The following ACACA variants were observed in gnomAD, a reference collection of about 807,000 sequenced individuals.
ACACA encodes the protein acetyl-CoA carboxylase 1.
A neutral mutation model predicts 296.1 loss-of-function variants in ACACA; 103 were observed. The ratio of observed to expected loss-of-function variants is 0.35; its 90% CI spans 0.30 to 0.41. ACACA has a LOEUF of 0.41. Among genes scored for constraint, ACACA ranks in the 10% least tolerant of loss-of-function variants. The pLI is 1.00. For synonymous variants in ACACA, 953 were observed against 1,038.6 expected, an observed-to-expected ratio of 0.92 and a Z score of 1.58; for missense variants, 1,554 against 2,989.7, an observed-to-expected ratio of 0.52 and a Z score of 11.20.
intron 1 of ACACA, among the ~76,000 whole-genome samples, chr17:37,349,169 T>A (rs1326798145): frequency 6.6e-6 from 1 of 150,434 alleles, no homozygotes; most frequent in Non-Finnish European, 1.5e-5. Flanking sequence ...CAAGCAATTA[T>A]CGTGCCTCAG....
chr17:37,379,048 G>T, intron 1 of ACACA: 2 of 1,430,520 alleles, frequency 1.4e-6, no homozygotes, highest in Non-Finnish European at 1.9e-6. Context: ...CTCCAGCTTG[G>T]GTGACAGAGC....
chr17:37,086,047 C>T lies in ACACA; in HGVS notation c.*1269G>A. On this transcript the variant is annotated 3_prime_UTR_variant, in exon 56 of 56. Coordinates refer to ENST00000616317, the MANE Select transcript of ACACA (RefSeq NM_198834.3). ...CCACCACCTGAGGAAGCCCCTGATG[C>T]CAGTCAGGAGGGGCCAGTAAGCCTG... is the stretch of plus-strand genomic sequence containing the variant. 2 of 376,306 alleles carry T rather than the reference C, an allele frequency of 5.3e-6. No homozygotes were observed. Among genetic ancestry groups the T allele is most frequent in the Non-Finnish European group, 9.4e-6 (2 of 212,566 alleles). The allele number at this position is 376,306 out of a possible 1,614,324, so 23.3% of individuals were successfully genotyped here. A position where few individuals can be genotyped will look rare whatever the true frequency, so the allele number is the denominator to read the frequency against.
Position 37,087,061 on chromosome 17 carries a change from G to C in ACACA, c.*255C>G, listed in dbSNP as rs1449022156. 1 of 588,126 alleles carries C rather than the reference G, an allele frequency of 1.7e-6. No homozygotes were observed. The highest frequency in any genetic ancestry group is 3.0e-6 in the Non-Finnish European group (1 of 328,442). The allele number at this position is 588,126 out of a possible 1,614,324, so 36.4% of individuals were successfully genotyped here. A position where few individuals can be genotyped will look rare whatever the true frequency, so the allele number is the denominator to read the frequency against. On this transcript the variant is annotated 3_prime_UTR_variant, in exon 56 of 56. Coordinates refer to ENST00000616317, the MANE Select transcript of ACACA (RefSeq NM_198834.3). The stretch of plus-strand genomic sequence containing the variant: ...TACCTTTCATTGCCTTCTCAGTCCT[G>C]TGCAGGGAGTGGAGGACTAGGCCTG...
At chr17:37,308,307 G>A (rs1025725343) in intron 3 of ACACA, among the ~76,000 whole-genome samples, 7 of 152,048 alleles carry the variant, frequency 4.6e-5, no homozygotes, top group East Asian at 1.9e-4. Context: ...ATAATAAGAC[G>A]AATTTATGAG....
intron 48 of ACACA, chr17:37,122,865 A>C: frequency 6.7e-6 from 4 of 596,624 alleles, no homozygotes; most frequent in Non-Finnish European, 1.2e-5. Context: ...CCAACACAAG[A>C]TAAATTCAAA....
intron 1 of ACACA, chr17:37,379,516 T>TC (rs2147729124): frequency 7.9e-7 from 1 of 1,260,318 alleles, no homozygotes; most frequent in East Asian, 2.5e-5. Flanking sequence ...TTGTTTTTTT[T>TC]CTTGTAAATT....
intron 2 of ACACA, among the ~76,000 whole-genome samples, chr17:37,333,345 AAAGG>A (rs1047784382): frequency 2.2e-4 from 26 of 117,950 alleles, no homozygotes; most frequent in Non-Finnish European, 4.9e-4. Flanking sequence ...GTGTCATCAG[AAAGG>A]AAAGGAAAGG....
At chr17:37,157,576 C>A (rs1446718736) in intron 42 of ACACA, among the ~76,000 whole-genome samples, 1 of 132,494 alleles carries the variant, frequency 7.5e-6, no homozygotes, top group African/African-American at 3.0e-5. Flanking sequence ...CCTTCTGTCA[C>A]CCAGGCAGGA....
intron 1 of ACACA, among the ~76,000 whole-genome samples, chr17:37,398,281 CTT>C (rs777127866): frequency 1.8e-4 from 14 of 79,196 alleles, no homozygotes; most frequent in South Asian, 5.4e-4. Flanking sequence ...TGTGGTATCA[CTT>C]TTTTTTTTTT....
chr17:37,297,049 G>C (rs1335962262), intron 3 of ACACA, among the ~76,000 whole-genome samples: 1 of 151,838 alleles, frequency 6.6e-6, no homozygotes, highest in Non-Finnish European at 1.5e-5. Flanking sequence ...GACACATTCA[G>C]ACACTATATA....
chr17:37,283,526 A>G lies in ACACA; in HGVS notation c.472-121T>C, dbSNP rs2082639795. 3.2e-6 allele frequency: 4 copies of G among 1,263,294 alleles called. No individual in the cohort carries two copies. In the South Asian group the frequency reaches 5.5e-5, roughly 17 times the overall value. 78.3% of individuals were successfully genotyped at this position (1,263,294 alleles called of 1,614,324 possible). A position where few individuals can be genotyped will look rare whatever the true frequency, so the allele number is the denominator to read the frequency against. ...TGTGTAAAAGTCATACTTTCAACCA[A>G]GAATTCTTGTTACTGGTCCAGACTG... is the stretch of plus-strand genomic sequence containing the variant. On this transcript the variant is annotated intron_variant, in intron 4 of 55. Coordinates refer to ENST00000616317, the MANE Select transcript of ACACA (RefSeq NM_198834.3).
chr17:37,210,295 G>GC (rs2078689856), intron 30 of ACACA, among the ~76,000 whole-genome samples, 172 bp downstream of exon 30: 1 of 152,128 alleles, frequency 6.6e-6, no homozygotes, highest in Admixed American at 6.5e-5. Flanking sequence ...AAAAGCTGAA[G>GC]CCATGTTTTC....
At chr17:37,246,802 C>T (rs2080729649) in intron 19 of ACACA, 24 bp downstream of exon 19, 1 of 1,612,870 alleles carries the variant, frequency 6.2e-7, no homozygotes, top group Non-Finnish European at 8.5e-7. Context: ...TCCCATGATC[C>T]CACAGTCCTT....
At chr17:37,342,343 C>T (rs912158238) in intron 1 of ACACA, among the ~76,000 whole-genome samples, 2 of 128,418 alleles carry the variant, frequency 1.6e-5, no homozygotes, top group South Asian at 2.6e-4. Flanking sequence ...AGGAAGCGGA[C>T]GTTGCAGTGA....
intron 10 of ACACA, among the ~76,000 whole-genome samples, chr17:37,265,474 A>C (rs548112013): frequency 2.1e-4 from 32 of 152,126 alleles, no homozygotes; most frequent in Non-Finnish European, 4.4e-4. Flanking sequence ...CCTTGGGTGC[A>C]ACTCCTCAGG....
chr17:37,293,080 C>T (rs901377207), intron 3 of ACACA, among the ~76,000 whole-genome samples: 11 of 152,184 alleles, frequency 7.2e-5, no homozygotes, highest in African/African-American at 2.7e-4. Context: ...TTAATCAAGA[C>T]TAAGAACTTT....
chr17:37,149,804 G>T (rs1421676560), intron 45 of ACACA, 60 bp downstream of exon 45: 14 of 1,438,156 alleles, frequency 9.7e-6, no homozygotes, highest in Non-Finnish European at 1.4e-5. Flanking sequence ...CTTGAATTAA[G>T]AATTCACACA....
At chr17:37,187,425 T>C (rs892441003) in intron 39 of ACACA, among the ~76,000 whole-genome samples, 1 of 152,250 alleles carries the variant, frequency 6.6e-6, no homozygotes, top group Non-Finnish European at 1.5e-5. Context: ...AGCAGGTTCA[T>C]CCTTTAATCA....
At position 37,097,355 on chromosome 17, in the gene ACACA, T is replaced by C. The variant is rs2073055867; in HGVS notation, c.6721-189A>G. ...AATGCAGCCCACATGCCCTGCTGTC[T>C]GCAGCACTGTGCACAGCCATGGGCC... On this transcript the variant is annotated intron_variant, in intron 53 of 55. Transcript: ENST00000616317. This position sits in a 1 kb window ranked among gnomAD's most constrained non-coding sequence, Gnocchi z 4.8. 6.6e-6 allele frequency among the ~76,000 whole-genome samples: 1 copy of C among 152,202 alleles called. No homozygotes were observed. Among genetic ancestry groups the C allele is most frequent in the South Asian group, 2.1e-4 (1 of 4,832 alleles).
Sources: gnomAD v4.1 joint callset for allele counts (sites outside exome capture counted in the v4.1 genomes callset) on GRCh38, gnomAD v4.1.1 for gene constraint, Gnocchi (gnomAD v3.1) non-coding constraint, MANE v1.5 for transcripts, NCBI Gene and HGNC (gene_info 2026-07-23, HGNC 2026-07-21) for gene names.